Variants in PPM1H observed in about 807,000 individuals in gnomAD.
PPM1H encodes protein phosphatase 1H.
A neutral mutation model predicts 54.9 loss-of-function variants in PPM1H; 27 were observed. The observed-to-expected ratio is 0.49, with a 90% CI of 0.36 to 0.68. PPM1H has a LOEUF of 0.68. PPM1H is among the 30% of genes least tolerant of loss of function. PPM1H has a pLI of 0.00. For missense variants in PPM1H, 596 were observed against 667.8 expected (o/e 0.89, Z 1.19); for synonymous variants, 305 against 270.8 (o/e 1.13, Z -1.24).
chr12:62,720,145 C>G (rs1321462626), intron 6 of PPM1H, 26 bp downstream of exon 6: 2 of 1,537,670 alleles, frequency 1.3e-6, no homozygotes, highest in Non-Finnish European at 1.8e-6. Flanking sequence ...TGTGTGGTTC[C>G]GAGGCAGAGG....
intron 1 of PPM1H, among the ~76,000 whole-genome samples, chr12:62,901,821 A>G (rs1252978773): frequency 6.6e-6 from 1 of 152,126 alleles, no homozygotes; most frequent in Non-Finnish European, 1.5e-5. Context: ...CCTGAATGCC[A>G]TTTGTCCTTG....
intron 1 of PPM1H, among the ~76,000 whole-genome samples, chr12:62,900,868 C>T (rs1871149253): frequency 1.3e-5 from 2 of 152,148 alleles, no homozygotes; most frequent in African/African-American, 4.8e-5. Context: ...ATTCTGTTTC[C>T]AGAGTTCAAG....
At chr12:62,828,128 T>C (rs1027990734) in intron 2 of PPM1H, among the ~76,000 whole-genome samples, 2 of 152,136 alleles carry the variant, frequency 1.3e-5, no homozygotes, top group Non-Finnish European at 2.9e-5. Context: ...AGTGCTACCA[T>C]ATTTGAGTTT....
chr12:62,842,759 C>T (rs1442309486), intron 1 of PPM1H, among the ~76,000 whole-genome samples: 1 of 152,222 alleles, frequency 6.6e-6, no homozygotes, highest in Non-Finnish European at 1.5e-5. Flanking sequence ...CCTAAACATA[C>T]AGCAAAGCAG....
chr12:62,766,937 C>T (rs2076547426), intron 4 of PPM1H, among the ~76,000 whole-genome samples: 1 of 152,182 alleles, frequency 6.6e-6, no homozygotes, highest in Non-Finnish European at 1.5e-5. Flanking sequence ...TCATGGCCAC[C>T]CTGCCCAATA....
At chr12:62,696,393 G>A (rs981220696) in intron 6 of PPM1H, among the ~76,000 whole-genome samples, 5 of 152,090 alleles carry the variant, frequency 3.3e-5, no homozygotes, top group East Asian at 3.9e-4. Flanking sequence ...ATTCTGCCCC[G>A]CCAGTGTTGG....
chr12:62,774,165 C>T (rs12303266), intron 4 of PPM1H, among the ~76,000 whole-genome samples: 27,643 of 152,148 alleles, frequency 0.18, 3,036 homozygotes, highest in African/African-American at 0.3. Flanking sequence ...TAGTAAGATC[C>T]TGTTAACTCC....
At position 62,746,039 on chromosome 12, in the gene PPM1H, G is replaced by GA. The variant is rs200142345; in HGVS notation, c.870-8454dup. ...AGACCCTCGTCTCTACAAAAAAATA[G>GA]AAAAAATTAGCCAGGCGTTGTGGTA... On this transcript the variant is annotated intron_variant, in intron 4 of 9. Coordinates refer to ENST00000228705, the MANE Select transcript of PPM1H (RefSeq NM_020700.2). Among the ~76,000 whole-genome samples, 305 of 151,978 alleles carry GA rather than the reference G, an allele frequency of 2.0e-3. 7 individuals carry two copies. In the East Asian group the frequency reaches 0.035, roughly 17 times the overall value.
At chr12:62,894,225 C>T (rs947428312) in intron 1 of PPM1H, among the ~76,000 whole-genome samples, 7 of 152,106 alleles carry the variant, frequency 4.6e-5, no homozygotes, top group Non-Finnish European at 7.3e-5. Flanking sequence ...CAATAGATGA[C>T]GGGAATAACT....
intron 9 of PPM1H, among the ~76,000 whole-genome samples, chr12:62,649,357 TA>T (rs1429329673): frequency 2.0e-5 from 3 of 152,170 alleles, no homozygotes; most frequent in Non-Finnish European, 2.9e-5. Flanking sequence ...TGCTGAGATT[TA>T]AACTGTAAGC....
chr12:62,864,629 GA>G (rs1163990514), intron 1 of PPM1H, among the ~76,000 whole-genome samples: 5 of 152,120 alleles, frequency 3.3e-5, no homozygotes, highest in Admixed American at 2.0e-4. Context: ...ATTAGATTTG[GA>G]AATCCAAACC....
chr12:62,927,863 C>T (rs1173683484), intron 1 of PPM1H, among the ~76,000 whole-genome samples: 1 of 151,984 alleles, frequency 6.6e-6, no homozygotes, highest in South Asian at 2.1e-4. Flanking sequence ...AATTAACAAA[C>T]ATTTTTCACT....
intron 4 of PPM1H, among the ~76,000 whole-genome samples, chr12:62,778,011 G>A (rs2076621275): frequency 6.6e-6 from 1 of 152,174 alleles, no homozygotes; most frequent in African/African-American, 2.4e-5. Flanking sequence ...GCACGCACCT[G>A]TAATCCTAGC....
intron 1 of PPM1H, among the ~76,000 whole-genome samples, chr12:62,897,956 T>G (rs1446169329): frequency 1.3e-5 from 2 of 151,990 alleles, no homozygotes; most frequent in African/African-American, 4.8e-5. Context: ...AGAAACAGCC[T>G]ATCACCAGCA....
At chr12:62,761,550 T>G (rs1170599211) in intron 4 of PPM1H, among the ~76,000 whole-genome samples, 1 of 152,120 alleles carries the variant, frequency 6.6e-6, no homozygotes, top group Non-Finnish European at 1.5e-5. Flanking sequence ...TGGTCTATGT[T>G]TTGTACTAAG....
intron 5 of PPM1H, among the ~76,000 whole-genome samples, chr12:62,730,227 G>A (rs1440805174): frequency 1.3e-5 from 2 of 152,176 alleles, no homozygotes; most frequent in Admixed American, 1.3e-4. Context: ...CACAAAGCCT[G>A]TTTGGTGGTC....
intron 4 of PPM1H, chr12:62,755,909 T>A (rs1469321609): frequency 1.9e-5 from 15 of 784,542 alleles, no homozygotes; most frequent in Non-Finnish European, 3.4e-5. Flanking sequence ...AAATGGGAAG[T>A]TCACTGGCAT....
intron 1 of PPM1H, among the ~76,000 whole-genome samples, chr12:62,871,909 G>A (rs1490441542): frequency 6.6e-6 from 1 of 152,160 alleles, no homozygotes; most frequent in Non-Finnish European, 1.5e-5. Flanking sequence ...ATGGCACAGG[G>A]CAGGTCTGTG....
intron 1 of PPM1H, among the ~76,000 whole-genome samples, chr12:62,886,013 G>A (rs1473548143): frequency 2.0e-5 from 3 of 152,180 alleles, no homozygotes; most frequent in African/African-American, 4.8e-5. Context: ...TTAAATAAAG[G>A]TGAATAGTCC....
Sources: allele counts gnomAD v4.1 joint callset (sites outside exome capture counted in the v4.1 genomes callset), GRCh38; gene constraint gnomAD v4.1.1; transcripts MANE v1.5; gene names NCBI Gene and HGNC (gene_info 2026-07-23, HGNC 2026-07-21).